ZNF567: variants seen among roughly 807,000 people sequenced by gnomAD.
The protein encoded by ZNF567 is zinc finger protein 567.
In ZNF567, 36 loss-of-function variants were observed where a neutral mutation model predicts 53.9. The ratio of observed to expected loss-of-function variants is 0.67; its 90% CI spans 0.51 to 0.88. The LOEUF is 0.88. ZNF567 is among the 40% of genes least tolerant of loss of function. ZNF567 has a pLI of 0.00. For missense variants in ZNF567, 619 were observed against 764.7 expected (o/e 0.81, Z 2.25); for synonymous variants, 224 against 260.4 (o/e 0.86, Z 1.35).
At chr19:36,714,112 G>C (rs1416466430) in intron 5 of ZNF567, among the ~76,000 whole-genome samples, 1 of 152,014 alleles carries the variant, frequency 6.6e-6, no homozygotes, top group East Asian at 1.9e-4. Flanking sequence ...TCTTGCCATT[G>C]TGATAAGTTT....
upstream of ZNF567, among the ~76,000 whole-genome samples, chr19:36,684,658 A>G (rs537550926): frequency 6.6e-6 from 1 of 152,280 alleles, no homozygotes; most frequent in East Asian, 1.9e-4. Flanking sequence ...CAAGAAGGAA[A>G]TCACATCTGG....
intron 3 of ZNF567, among the ~76,000 whole-genome samples, chr19:36,704,257 AC>A (rs1465975500): frequency 6.6e-6 from 1 of 152,094 alleles, no homozygotes; most frequent in African/African-American, 2.4e-5. Flanking sequence ...TGGGCAACAT[AC>A]AAAAATACAA....
chr19:36,700,679 A>G (rs2039132963), intron 3 of ZNF567, among the ~76,000 whole-genome samples: 1 of 152,014 alleles, frequency 6.6e-6, no homozygotes, highest in African/African-American at 2.4e-5. Context: ...GAATTTATCC[A>G]TTTCTTCTAG....
At chr19:36,691,652 C>T (rs1339138975) in intron 2 of ZNF567, among the ~76,000 whole-genome samples, 1 of 152,196 alleles carries the variant, frequency 6.6e-6, no homozygotes, top group Admixed American at 6.5e-5. Flanking sequence ...TAGCCCCCAT[C>T]CAATCACCCT....
At chr19:36,671,375 AAGG>A in the ZNF567 span, among the ~76,000 whole-genome samples, 6 of 152,276 alleles carry the variant, frequency 3.9e-5, no homozygotes, top group African/African-American at 1.4e-4. Context: ...TACAGTCAAA[AAGG>A]AGGCACAATG....
the ZNF567 span, chr19:36,669,335 T>C: frequency 1.3e-5 from 2 of 152,144 alleles, no homozygotes; most frequent in Non-Finnish European, 2.9e-5. Context: ...AGGATTATGA[T>C]TGAGTTGGAG....
chr19:36,676,215 G>GCA, the ZNF567 span, among the ~76,000 whole-genome samples: 1 of 151,214 alleles, frequency 6.6e-6, no homozygotes, highest in African/African-American at 2.4e-5. Flanking sequence ...ACAGGCACCT[G>GCA]CCACCATGCC....
the ZNF567 span, among the ~76,000 whole-genome samples, chr19:36,671,056 C>G: frequency 6.6e-6 from 1 of 152,142 alleles, no homozygotes; most frequent in African/African-American, 2.4e-5. Context: ...GAGCTGAGAT[C>G]GCACCACTGC....
intron 2 of ZNF567, among the ~76,000 whole-genome samples, chr19:36,691,699 A>G (rs745499506): frequency 7.9e-5 from 12 of 152,212 alleles, no homozygotes; most frequent in Admixed American, 3.3e-4. Context: ...TTCATCTCAT[A>G]TAAAAGGAGT....
upstream of ZNF567, among the ~76,000 whole-genome samples, chr19:36,687,056 C>T (rs76347522): frequency 6.6e-6 from 1 of 152,170 alleles, no homozygotes; most frequent in Non-Finnish European, 1.5e-5. Context: ...CGACAGACCC[C>T]TCAGTCCCAA....
the ZNF567 span, among the ~76,000 whole-genome samples, chr19:36,672,229 T>C: frequency 6.6e-6 from 1 of 152,292 alleles, no homozygotes; most frequent in African/African-American, 2.4e-5. Context: ...GATGTGACAT[T>C]ATATACCAAC....
chr19:36,724,225 C>G (rs928914282), downstream of ZNF567, among the ~76,000 whole-genome samples: 1 of 151,480 alleles, frequency 6.6e-6, no homozygotes. Context: ...AGGCTGGTCT[C>G]GAACATCCGA....
chr19:36,723,458 A>G (rs2145937001), downstream of ZNF567: 2 of 519,510 alleles, frequency 3.8e-6, no homozygotes, highest in Middle Eastern at 3.4e-4. Flanking sequence ...AACATACTAC[A>G]TATATTCATG....
At chr19:36,694,291 A>G (rs1300668130) in intron 2 of ZNF567, among the ~76,000 whole-genome samples, 5 of 152,242 alleles carry the variant, frequency 3.3e-5, no homozygotes, top group Admixed American at 6.5e-5. Context: ...AGAAAATGAA[A>G]TAAATGATGA....
downstream of ZNF567, chr19:36,723,107 T>C (rs2040317881): frequency 4.3e-6 from 3 of 697,904 alleles, no homozygotes; most frequent in South Asian, 4.5e-5. Flanking sequence ...AGGGGAGTTA[T>C]ATACTAGTAT....
At chr19:36,724,712 G>C (rs1276936168), downstream of ZNF567, among the ~76,000 whole-genome samples, 2 of 149,734 alleles carry the variant, frequency 1.3e-5, no homozygotes, top group Non-Finnish European at 3.0e-5. Context: ...GCTGAGCTTG[G>C]TGGTGGGGTT....
Position 36,712,780 on chromosome 19 carries a change from G to T in ZNF567, c.137-1G>T. ...ACTTAAGTCTTTTTTTCACTTTTCA[G>T]GGTGTCACATGACCAAACCTGATGT... On this transcript the variant is annotated splice_acceptor_variant, in intron 4 of 5. Coordinates refer to ENST00000682579, the MANE Select transcript of ZNF567 (RefSeq NM_001322917.1). LOFTEE classifies it high-confidence loss of function. 2 of 1,611,786 alleles carry T rather than the reference G, an allele frequency of 1.2e-6. No homozygotes were observed. The highest frequency in any genetic ancestry group is 1.7e-6 in the Non-Finnish European group (2 of 1,179,320).
chr19:36,672,488 T>C, the ZNF567 span, among the ~76,000 whole-genome samples: 1 of 152,192 alleles, frequency 6.6e-6, no homozygotes, highest in African/African-American at 2.4e-5. Flanking sequence ...GCTACCCTTA[T>C]CATCACCCAA....
chr19:36,667,825 A>G, the ZNF567 span, among the ~76,000 whole-genome samples: 1 of 151,186 alleles, frequency 6.6e-6, no homozygotes, highest in Non-Finnish European at 1.5e-5. Context: ...AATTTTTTGT[A>G]TTTTTAGTAG....
Sources: gnomAD v4.1 joint callset for allele counts (sites outside exome capture counted in the v4.1 genomes callset) on GRCh38, gnomAD v4.1.1 for gene constraint, MANE v1.5 for transcripts, NCBI Gene and HGNC (gene_info 2026-07-23, HGNC 2026-07-21) for gene names.